Variants in STPG1 observed in about 807,000 individuals in gnomAD.
STPG1 encodes O(6)-methylguanine-induced apoptosis 2.
STPG1 carries 33 observed loss-of-function variants against 40.1 expected under a neutral mutation model. The observed-to-expected ratio is 0.82, with a 90% CI of 0.62 to 1.10. STPG1 has a LOEUF of 1.10. Ranked by LOEUF, STPG1 falls within the 50% of genes least tolerant of loss-of-function variation. STPG1 has a pLI of 0.00. For synonymous variants in STPG1, 150 were observed against 155.0 expected, an observed-to-expected ratio of 0.97 and a Z score of 0.24; for missense variants, 396 against 415.1, an observed-to-expected ratio of 0.95 and a Z score of 0.40.
chr1:24,390,410 CATT>C (rs1449012029), intron 3 of STPG1, among the ~76,000 whole-genome samples: 6 of 152,168 alleles, frequency 3.9e-5, no homozygotes, highest in South Asian at 4.2e-4. Context: ...TATGATAACA[CATT>C]GTTGTTGTGG....
In STPG1 at chr1:24,358,375, C is replaced by A; in HGVS notation, c.*168G>T. ...AGGGAGCAATGTCTCCAGCTCAAGA[C>A]AAAGGCAATGGCAGCAGTCCGGCTA... On this transcript the variant is annotated 3_prime_UTR_variant, in exon 9 of 9. Transcript: ENST00000337248. The A allele has an allele frequency of 1.4e-6, 1 of 718,926 alleles. No homozygotes were observed. The highest frequency in any genetic ancestry group is 2.6e-6 in the Non-Finnish European group (1 of 392,022). 44.5% of individuals were successfully genotyped at this position (718,926 alleles called of 1,614,324 possible). A position where few individuals can be genotyped will look rare whatever the true frequency, so the allele number is the denominator to read the frequency against.
chr1:24,398,781 G>C (rs1345559564), intron 2 of STPG1, among the ~76,000 whole-genome samples: 1 of 152,054 alleles, frequency 6.6e-6, no homozygotes, highest in Non-Finnish European at 1.5e-5. Context: ...TAGATATAAT[G>C]AAGATATGCA....
chr1:24,409,499 A>C (rs1643534250), intron 1 of STPG1, among the ~76,000 whole-genome samples: 1 of 152,208 alleles, frequency 6.6e-6, no homozygotes. Context: ...AGTGATTAGA[A>C]AAATATTAAG....
intron 1 of STPG1, among the ~76,000 whole-genome samples, chr1:24,405,690 T>C (rs1415791864): frequency 2.0e-5 from 3 of 152,216 alleles, no homozygotes; most frequent in South Asian, 2.1e-4. Flanking sequence ...GTTGTGTATT[T>C]TGAAGCACTA....
chr1:24,407,325 T>C (rs1643449633), intron 1 of STPG1, among the ~76,000 whole-genome samples: 1 of 152,230 alleles, frequency 6.6e-6, no homozygotes, highest in Non-Finnish European at 1.5e-5. Flanking sequence ...GCTACAGTTA[T>C]ATTAGATCAT....
Position 24,399,078 on chromosome 1 carries a change from T to C in STPG1, c.70+2241A>G, listed in dbSNP as rs1309026456. Among the ~76,000 whole-genome samples, 1 of 152,094 alleles carries C rather than the reference T, an allele frequency of 6.6e-6. No individual in the cohort carries two copies. The highest frequency in any genetic ancestry group is 2.4e-5 in the African/African-American group (1 of 41,430). ...ACCATAAATATGTACAACTATTATG[T>C]ATCCATAAAAATTAAAAATAAAAAA... On this transcript the variant is annotated intron_variant, in intron 2 of 8. Transcript: ENST00000337248. The surrounding 1 kb of genome is among the most constrained non-coding windows in gnomAD (Gnocchi z 4.0).
Sources: gnomAD v4.1 joint callset for allele counts (sites outside exome capture counted in the v4.1 genomes callset) on GRCh38, gnomAD v4.1.1 for gene constraint, Gnocchi (gnomAD v3.1) non-coding constraint, MANE v1.5 for transcripts, NCBI Gene and HGNC (gene_info 2026-07-23, HGNC 2026-07-21) for gene names.